The following ARHGEF16 variants were observed in gnomAD, a reference collection of about 807,000 sequenced individuals.
The protein encoded by ARHGEF16 is Rho guanine nucleotide exchange factor 16, also known as Rho guanine exchange factor (GEF) 16.
Under a neutral mutation model 74.1 loss-of-function variants are expected in ARHGEF16, and 59 were observed. The ratio of observed to expected loss-of-function variants is 0.80; its 90% CI spans 0.65 to 0.99. The LOEUF is 0.99. ARHGEF16 is among the 50% of genes least tolerant of loss of function. ARHGEF16 has a pLI of 0.00. For synonymous variants in ARHGEF16, 415 were observed against 412.6 expected (o/e 1.01, Z -0.07); for missense variants, 948 against 986.6 (o/e 0.96, Z 0.52).
intron 1 of ARHGEF16, among the ~76,000 whole-genome samples, chr1:3,462,023 G>A (rs538465109): frequency 3.3e-5 from 5 of 152,186 alleles, no homozygotes; most frequent in East Asian, 3.9e-4. Flanking sequence ...TGCCAGCCCC[G>A]GACCATGAAG....
At chr1:3,469,137 G>A (rs1403912296) in intron 5 of ARHGEF16, among the ~76,000 whole-genome samples, 2 of 152,170 alleles carry the variant, frequency 1.3e-5, no homozygotes, top group Admixed American at 6.5e-5. Context: ...GCCCCTTCAC[G>A]TCACCGGGTG....
chr1:3,477,848 C>T lies in ARHGEF16; in HGVS notation c.1474-27C>T, dbSNP rs372145741. The T allele has an allele frequency of 2.0e-5, 33 of 1,610,970 alleles. 1 individual carries two copies. The highest frequency in any genetic ancestry group is 2.0e-4 in the East Asian group (9 of 44,862). On this transcript the variant is annotated intron_variant, in intron 10 of 14. Coordinates refer to ENST00000378378, the MANE Select transcript of ARHGEF16 (RefSeq NM_014448.4). The stretch of plus-strand genomic sequence containing the variant: ...GTCCCCCCCAGTCCCTCGCACTGAT[C>T]TCCGCCTCCCGGCTCTGTCCCCCCA...
chr1:3,478,324 C>A (rs1639951928), intron 11 of ARHGEF16, 100 bp from the exon 12 acceptor site: 2 of 1,340,704 alleles, frequency 1.5e-6, no homozygotes, highest in Non-Finnish European at 2.1e-6. Flanking sequence ...GGCTGCCTCC[C>A]CACCACTGCA....
rs768434523 is a variant in ARHGEF16 at position 3,463,521 on chromosome 1, G to GGCGGAACCT, written c.446_454dup (p.Leu149_Asn151dup). On this transcript the variant is annotated inframe_insertion, in exon 2 of 15. Coordinates refer to ENST00000378378, the MANE Select transcript of ARHGEF16 (RefSeq NM_014448.4). ...GACAAGGACCCCGGGGGCATGCTGA[G>GGCGGAACCT]GCGGAACCTGCGGAACCAATCCTAC... is the stretch of plus-strand genomic sequence containing the variant. 15 of 1,481,212 alleles carry GGCGGAACCT rather than the reference G, an allele frequency of 1.0e-5. No individual in the cohort carries two copies. In the African/African-American group the frequency reaches 1.1e-4, roughly 11 times the overall value. 91.8% of individuals were successfully genotyped at this position (1,481,212 alleles called of 1,614,324 possible). A position where few individuals can be genotyped will look rare whatever the true frequency, so the allele number is the denominator to read the frequency against.
intron 1 of ARHGEF16, among the ~76,000 whole-genome samples, chr1:3,461,705 A>G (rs553680231): frequency 6.6e-6 from 1 of 152,316 alleles, no homozygotes; most frequent in South Asian, 2.1e-4. Context: ...CAGCCCCGCA[A>G]AGTGCCTGGA....
intron 11 of ARHGEF16, 23 bp downstream of exon 11, chr1:3,478,049 TG>T (rs774487254): frequency 4.3e-6 from 7 of 1,612,318 alleles, no homozygotes. Context: ...CAGGAGGGTG[TG>T]GGGAGCCCCA....
Position 3,479,707 on chromosome 1 carries a change from G to A in ARHGEF16, c.1889-105G>A, listed in dbSNP as rs562814624. On this transcript the variant is annotated intron_variant, in intron 13 of 14. Coordinates refer to ENST00000378378, the MANE Select transcript of ARHGEF16 (RefSeq NM_014448.4). ...TTGTGCTGGGGCCTGGCAGTCGGGGGATGGGGTGCCCCGGCCCCGGGGGAT... is the reference window on the plus strand; with the variant it reads ...TTGTGCTGGGGCCTGGCAGTCGGGGAATGGGGTGCCCCGGCCCCGGGGGAT... 404 of 1,557,288 alleles carry A rather than the reference G, an allele frequency of 2.6e-4. 1 individual carries two copies. The highest frequency in any genetic ancestry group is 3.9e-4 in the South Asian group (35 of 88,868).
chr1:3,468,771 G>A, intron 4 of ARHGEF16, 109 bp from the exon 5 acceptor site: 1 of 1,283,078 alleles, frequency 7.8e-7, no homozygotes, highest in Admixed American at 2.0e-5. Flanking sequence ...AGCCCTGTGG[G>A]GTGGCTGTCC....
At chr1:3,460,252 G>A (rs1414216864) in intron 1 of ARHGEF16, among the ~76,000 whole-genome samples, 1 of 152,174 alleles carries the variant, frequency 6.6e-6, no homozygotes. Context: ...CCGTTTGGGC[G>A]CCTTCTGGCA....
In ARHGEF16 at chr1:3,475,762, A is replaced by G. The variant is rs2493318; in HGVS notation, c.1381-208A>G. ...AGAGGTTCCCAGATTATCCATCCCA[A>G]GCCTTTCACAGTGCTGACAGGGAAA... On this transcript the variant is annotated intron_variant, in intron 9 of 14. Transcript: ENST00000378378. 0.36 allele frequency among the ~76,000 whole-genome samples: 5,629 copies of G among 15,674 alleles called. 1,745 individuals are homozygous for G. Among genetic ancestry groups the G allele is most frequent in the South Asian group, 0.86 (254 of 296 alleles). The allele number at this position is 15,674 out of a possible 152,430, so 10.3% of individuals were successfully genotyped here.
rs200509457 is a variant in ARHGEF16, at chr1:3,480,440, G to A, written c.1991-8G>A. On this transcript the variant is annotated splice_region_variant and splice_polypyrimidine_tract_variant and intron_variant, in intron 14 of 14. Coordinates refer to ENST00000378378, the MANE Select transcript of ARHGEF16 (RefSeq NM_014448.4). ...CCTCACCTCCCTCCCACCCCTATCC[G>A]GGTTCAGGGTGGCTCTATGGCGAGA... The A allele has an allele frequency of 1.0e-3, 1,669 of 1,612,228 alleles. 16 individuals are homozygous for A. Among genetic ancestry groups the A allele is most frequent in the South Asian group, 0.01 (935 of 91,058 alleles).
rs115613801 is a variant in ARHGEF16 at position 3,459,208 on chromosome 1, C to T, written c.-19-3858C>T. Among the ~76,000 whole-genome samples the T allele has an allele frequency of 8.2e-3, 1,251 of 152,100 alleles. 22 individuals are homozygous for T. Among genetic ancestry groups the T allele is most frequent in the African/African-American group, 0.029 (1,201 of 41,510 alleles). ...CTCAGTGAACGAACACGGACCCTAC[C>T]GAGGCACATCAGCAAGACAGCCAGA... is the stretch of plus-strand genomic sequence containing the variant. On this transcript the variant is annotated intron_variant, in intron 1 of 14. Transcript: ENST00000378378.
chr1:3,464,867 G>C (rs1395088151), intron 2 of ARHGEF16, among the ~76,000 whole-genome samples: 1 of 152,190 alleles, frequency 6.6e-6, no homozygotes, highest in African/African-American at 2.4e-5. Context: ...GCCCAGACTG[G>C]GAGTGGCAGT....
chr1:3,480,361 C>T, intron 14 of ARHGEF16, 87 bp from the exon 15 acceptor site: 1 of 1,555,676 alleles, frequency 6.4e-7, no homozygotes, highest in Non-Finnish European at 8.7e-7. Context: ...GAAGCCTGGC[C>T]CTGGTGTGCT....
intron 3 of ARHGEF16, among the ~76,000 whole-genome samples, chr1:3,466,499 G>A (rs925426865): frequency 6.6e-6 from 1 of 152,164 alleles, no homozygotes; most frequent in Non-Finnish European, 1.5e-5. Flanking sequence ...CAGTGGCCGT[G>A]TTGGGGGACC....
chr1:3,475,941 G>A (rs1372581352), intron 9 of ARHGEF16, 29 bp from the exon 10 acceptor site: 1 of 1,543,252 alleles, frequency 6.5e-7, no homozygotes, highest in Non-Finnish European at 8.8e-7. Context: ...TGTAGCACCA[G>A]CCTCTCACAC....
intron 9 of ARHGEF16, 60 bp from the exon 10 acceptor site, chr1:3,475,910 G>T (rs555681475): frequency 2.7e-6 from 4 of 1,491,040 alleles, no homozygotes; most frequent in African/African-American, 1.4e-5. Context: ...ACTGTGGGCC[G>T]TGTGGGCTGT....
intron 5 of ARHGEF16, 88 bp downstream of exon 5, chr1:3,469,024 C>T (rs2100745386): frequency 1.4e-6 from 2 of 1,474,772 alleles, no homozygotes; most frequent in South Asian, 2.4e-5. Flanking sequence ...TGGCACCACC[C>T]AGCCATCCCT....
chr1:3,471,386 C>G (rs1227025496), intron 6 of ARHGEF16, among the ~76,000 whole-genome samples: 1 of 152,084 alleles, frequency 6.6e-6, no homozygotes, highest in African/African-American at 2.4e-5. Flanking sequence ...GCGAGTCCCA[C>G]CCATCTGCTG....
Sources: gnomAD v4.1 joint callset for allele counts (sites outside exome capture counted in the v4.1 genomes callset) on GRCh38, gnomAD v4.1.1 for gene constraint, MANE v1.5 for transcripts, NCBI Gene and HGNC (gene_info 2026-07-23, HGNC 2026-07-21) for gene names.